The following UBN1 variants were observed in gnomAD, a reference collection of about 807,000 sequenced individuals.
UBN1 encodes the protein ubinuclein 1.
In UBN1, 17 loss-of-function variants were observed where a neutral mutation model predicts 108.5. The ratio of observed to expected loss-of-function variants is 0.16; its 90% CI spans 0.11 to 0.24. The LOEUF (loss-of-function observed/expected upper bound fraction) is 0.24. UBN1 is among the 10% of genes least tolerant of loss of function. The pLI, the probability that UBN1 is intolerant of heterozygous loss-of-function variation, is 1.00. For missense variants in UBN1, 1,595 were observed against 1,394.4 expected (o/e 1.14, Z -2.29); for synonymous variants, 726 against 564.2 (o/e 1.29, Z -4.07).
At position 4,877,572 on chromosome 16, in the gene UBN1, C is replaced by G; in HGVS notation, c.3355+98C>G. 6.8e-7 allele frequency: 1 copy of G among 1,464,302 alleles called. No individual in the cohort carries two copies. Among genetic ancestry groups the G allele is most frequent in the Admixed American group, 2.5e-5 (1 of 40,060 alleles). The allele number at this position is 1,464,302 out of a possible 1,614,324, so 90.7% of individuals were successfully genotyped here. Reference sequence around the variant, plus strand: ...CTGCCAAGGGTCTTGGTGTCTTTGCCTTGACGCTGTTGTTGTTTTGGTTTG... The same window carrying G: ...CTGCCAAGGGTCTTGGTGTCTTTGCGTTGACGCTGTTGTTGTTTTGGTTTG... On this transcript the variant is annotated intron_variant, in intron 17 of 17. Transcript: ENST00000262376. This position sits in a 1 kb window ranked among gnomAD's most constrained non-coding sequence, Gnocchi z 4.3.
intron 2 of UBN1, among the ~76,000 whole-genome samples, chr16:4,855,350 C>T (rs975115388): frequency 2.6e-5 from 4 of 152,094 alleles, no homozygotes; most frequent in African/African-American, 9.7e-5. Flanking sequence ...CATAGTGGCT[C>T]ACACCTGTAA....
At chr16:4,872,815 C>G in intron 12 of UBN1, 69 bp from the exon 13 acceptor site, 1 of 1,583,566 alleles carries the variant, frequency 6.3e-7, no homozygotes. Flanking sequence ...GGGACACTAG[C>G]AAAGTTCTGG....
rs561156143 is a variant in UBN1, at chr16:4,863,656, C to T, written c.1110+2554C>T. 2.1e-4 allele frequency among the ~76,000 whole-genome samples: 32 copies of T among 152,146 alleles called. 1 individual carries two copies. The South Asian group carries it at 6.6e-3, about 32-fold the overall frequency. On this transcript the variant is annotated intron_variant, in intron 7 of 17. Transcript: ENST00000262376. Reference sequence around the variant, plus strand: ...CTATTATAAGATTGGGTAGACTTTACATCTTGGCCCTAGGTGACACACAAA... The same window carrying T: ...CTATTATAAGATTGGGTAGACTTTATATCTTGGCCCTAGGTGACACACAAA...
intron 11 of UBN1, 55 bp from the exon 12 acceptor site, chr16:4,871,099 AC>A: frequency 6.2e-7 from 1 of 1,608,008 alleles, no homozygotes; most frequent in Non-Finnish European, 8.5e-7. Flanking sequence ...CATGATTGGA[AC>A]CTTGGAGCAG....
Position 4,874,799 on chromosome 16 carries a change from G to A in UBN1, c.2389G>A (p.Val797Ile). 6.2e-7 allele frequency: 1 copy of A among 1,614,090 alleles called. No homozygotes were observed. Among genetic ancestry groups the A allele is most frequent in the East Asian group, 2.2e-5 (1 of 44,878 alleles). Residue 797 changes from valine (V) to isoleucine (I), a missense_variant, in exon 15 of 18, where the codon GTT becomes ATT. By Grantham distance (29) the Val-to-Ile change is conservative. This residue lies in a region of UBN1 where 1,398 missense variants were observed against 1,194.7 expected (regional missense o/e 1.17). Coordinates refer to ENST00000262376, the MANE Select transcript of UBN1 (RefSeq NM_001079514.3). ...GACGTCTCACGGGCCCCAAGTGGCA[G>A]TTCCTGTGCCTGGCCCCCAGGTCAA... is the stretch of plus-strand genomic sequence containing the variant. ...PRTSHGPQVA[V>I]PVPGPQVKVF...
At chr16:4,862,973 T>C (rs901745768) in intron 7 of UBN1, among the ~76,000 whole-genome samples, 1 of 152,250 alleles carries the variant, frequency 6.6e-6, no homozygotes, top group African/African-American at 2.4e-5. Context: ...ATGTTCTGGT[T>C]GGAAAATACA....
At chr16:4,859,835 G>A (rs199778999) in intron 5 of UBN1, 30 bp from the exon 6 acceptor site, 181 of 1,612,890 alleles carry the variant, frequency 1.1e-4, no homozygotes, top group Non-Finnish European at 1.4e-4. Context: ...TTAGGGAGCC[G>A]TGTAACTGTG....
chr16:4,874,100 A>T, intron 14 of UBN1, 111 bp from the exon 15 acceptor site: 1 of 1,357,100 alleles, frequency 7.4e-7, no homozygotes, highest in Non-Finnish European at 9.9e-7. Context: ...TTGTAATTAT[A>T]CAGGAAGGCC....
chr16:4,854,776 G>A (rs2142130847), intron 2 of UBN1, among the ~76,000 whole-genome samples: 1 of 151,652 alleles, frequency 6.6e-6, no homozygotes, highest in South Asian at 2.1e-4. Context: ...AGGCTGGCAT[G>A]CAGTGGTGCA....
chr16:4,868,356 G>T (rs183506205), intron 7 of UBN1, among the ~76,000 whole-genome samples: 44 of 152,274 alleles, frequency 2.9e-4, no homozygotes, highest in African/African-American at 9.9e-4. Context: ...AGTAGATTAG[G>T]AATTGTCAAA....
chr16:4,866,254 C>A (rs575783101), intron 7 of UBN1, among the ~76,000 whole-genome samples: 1 of 152,094 alleles, frequency 6.6e-6, no homozygotes, highest in East Asian at 1.9e-4. Context: ...AAGTCATGCC[C>A]TTTTTTTCCA....
At chr16:4,878,155 C>G (rs988166756) in intron 17 of UBN1, among the ~76,000 whole-genome samples, 2 of 152,150 alleles carry the variant, frequency 1.3e-5, no homozygotes, top group Non-Finnish European at 2.9e-5. Context: ...TCAGGTGCCC[C>G]GGGTTGGTAC....
At chr16:4,858,692 G>C (rs774101331) in intron 4 of UBN1, 29 bp downstream of exon 4, 1 of 1,606,848 alleles carries the variant, frequency 6.2e-7, no homozygotes, top group Non-Finnish European at 8.5e-7. Context: ...TGCCGTGTCA[G>C]ACCCACTGTA....
Position 4,880,334 on chromosome 16 carries a change from G to A in UBN1, c.*202G>A. Reference sequence around the variant, plus strand: ...CCTTGCTGCTCAGGAGGTGCAGACTGCCCCGTGCTCTGGGCCTTGCAGCTC... The same window carrying A: ...CCTTGCTGCTCAGGAGGTGCAGACTACCCCGTGCTCTGGGCCTTGCAGCTC... On this transcript the variant is annotated 3_prime_UTR_variant, in exon 18 of 18. Transcript: ENST00000262376. 6 of 590,438 alleles carry A rather than the reference G, an allele frequency of 1.0e-5. No individual in the cohort carries two copies. The highest frequency in any genetic ancestry group is 1.8e-5 in the Non-Finnish European group (6 of 329,964). 36.6% of individuals were successfully genotyped at this position (590,438 alleles called of 1,614,324 possible). A position where few individuals can be genotyped will look rare whatever the true frequency, so the allele number is the denominator to read the frequency against.
At chr16:4,851,690 T>C (rs1441858680) in intron 1 of UBN1, among the ~76,000 whole-genome samples, 1 of 152,112 alleles carries the variant, frequency 6.6e-6, no homozygotes, top group African/African-American at 2.4e-5. Context: ...CATGGTGGGA[T>C]ATACCTGTAG....
At chr16:4,850,701 A>G in intron 1 of UBN1, among the ~76,000 whole-genome samples, 1 of 152,278 alleles carries the variant, frequency 6.6e-6, no homozygotes, top group South Asian at 2.1e-4. Flanking sequence ...TTGTTCCCTT[A>G]TGTGATGTTA....
chr16:4,881,927 T>C lies in UBN1; in HGVS notation c.*1795T>C, dbSNP rs1221580488. 2 of 152,086 alleles carry C rather than the reference T, an allele frequency of 1.3e-5. No homozygotes were observed. The highest frequency in any genetic ancestry group is 4.8e-5 in the African/African-American group (2 of 41,238). 9.4% of individuals were successfully genotyped at this position (152,086 alleles called of 1,614,324 possible). A position where few individuals can be genotyped will look rare whatever the true frequency, so the allele number is the denominator to read the frequency against. Reference sequence around the variant, plus strand: ...AAACACCCGGGTCCCAGGCCCTCCTTCCTTTCCCTTTGGTGCTCCCTCCTC... The same window carrying C: ...AAACACCCGGGTCCCAGGCCCTCCTCCCTTTCCCTTTGGTGCTCCCTCCTC... On this transcript the variant is annotated 3_prime_UTR_variant, in exon 18 of 18. Coordinates refer to ENST00000262376, the MANE Select transcript of UBN1 (RefSeq NM_001079514.3).
intron 12 of UBN1, chr16:4,872,198 T>C (rs2087677298): frequency 4.1e-6 from 4 of 985,388 alleles, no homozygotes; most frequent in Non-Finnish European, 4.8e-6. Flanking sequence ...GCTGGACTCA[T>C]ACGAAGAACG....
At chr16:4,867,002 G>T (rs190600242) in intron 7 of UBN1, among the ~76,000 whole-genome samples, 2 of 152,320 alleles carry the variant, frequency 1.3e-5, no homozygotes, top group Non-Finnish European at 2.9e-5. Flanking sequence ...AACAGGCTTC[G>T]CCGGCCTCCT....
Sources: allele counts gnomAD v4.1 joint callset (sites outside exome capture counted in the v4.1 genomes callset), GRCh38; gene constraint gnomAD v4.1.1; regional missense constraint gnomAD v4.1.1; non-coding constraint Gnocchi (gnomAD v3.1); transcripts MANE v1.5; gene names NCBI Gene and HGNC (gene_info 2026-07-23, HGNC 2026-07-21).